Variants in PCNX2 observed in about 807,000 individuals in gnomAD.
PCNX2 encodes pecanex 2.
PCNX2 carries 168 observed loss-of-function variants against 223.8 expected under a neutral mutation model. That is an observed-to-expected ratio of 0.75 (90% CI 0.66 to 0.85). PCNX2 has a LOEUF of 0.85. Among genes scored for constraint, PCNX2 ranks in the 40% least tolerant of loss-of-function variants. PCNX2 has a pLI of 0.00. For missense variants in PCNX2, 2,507 were observed against 2,675.5 expected (o/e 0.94, Z 1.39); for synonymous variants, 1,006 against 1,052.6 (o/e 0.96, Z 0.86).
chr1:233,215,948 T>C (rs925012251), intron 12 of PCNX2, among the ~76,000 whole-genome samples: 1 of 152,228 alleles, frequency 6.6e-6, no homozygotes, highest in South Asian at 2.1e-4. Flanking sequence ...TAGCAATGTA[T>C]GCCATGTGAT....
chr1:233,286,138 G>A (rs1451536744), intron 1 of PCNX2, among the ~76,000 whole-genome samples: 4 of 152,028 alleles, frequency 2.6e-5, no homozygotes, highest in Non-Finnish European at 5.9e-5. Flanking sequence ...ATAGAATTTA[G>A]AAAAAAAGGG....
intron 13 of PCNX2, among the ~76,000 whole-genome samples, chr1:233,205,693 CA>C (rs912049157): frequency 9.4e-5 from 13 of 139,002 alleles, no homozygotes; most frequent in East Asian, 6.4e-4. Flanking sequence ...GATCCCATCT[CA>C]AAAAAAAAAA....
chr1:233,164,316 C>G (rs1390169621), intron 17 of PCNX2, among the ~76,000 whole-genome samples: 2 of 152,060 alleles, frequency 1.3e-5, no homozygotes, highest in Admixed American at 1.3e-4. Context: ...AGAAAAGGAA[C>G]CTTACAGACT....
At chr1:233,173,439 T>C (rs1572017736) in intron 17 of PCNX2, among the ~76,000 whole-genome samples, 1 of 152,238 alleles carries the variant, frequency 6.6e-6, no homozygotes, top group Admixed American at 6.5e-5. Flanking sequence ...GTGCTGGCAT[T>C]ATAGGTGTGA....
At chr1:233,186,917 G>A (rs1412307892) in intron 15 of PCNX2, among the ~76,000 whole-genome samples, 2 of 152,074 alleles carry the variant, frequency 1.3e-5, no homozygotes, top group Non-Finnish European at 2.9e-5. Context: ...ACAAATACGT[G>A]TACTTCAGGG....
chr1:233,275,314 T>C (rs979793935), intron 1 of PCNX2, among the ~76,000 whole-genome samples: 1 of 152,056 alleles, frequency 6.6e-6, no homozygotes, highest in Non-Finnish European at 1.5e-5. Context: ...GTGATTCTCC[T>C]GCTTCAGCCT....
intron 13 of PCNX2, among the ~76,000 whole-genome samples, chr1:233,203,732 A>C (rs943940955): frequency 2.0e-5 from 3 of 152,142 alleles, no homozygotes; most frequent in Non-Finnish European, 4.4e-5. Flanking sequence ...GCAGAAGGAG[A>C]TGCTGATACT....
intron 21 of PCNX2, among the ~76,000 whole-genome samples, chr1:233,108,341 G>T (rs1440557290): frequency 6.6e-6 from 1 of 152,164 alleles, no homozygotes. Flanking sequence ...TACCTTCAGG[G>T]AGAAAAGAGA....
In PCNX2 at chr1:232,998,381, G is replaced by A. The variant is rs369435902; in HGVS notation, c.5661C>T (p.Asp1887=). The change falls in exon 32 of 34, where the codon GAC becomes GAT. Residue 1887 remains aspartate (D), a synonymous_variant. Coordinates refer to ENST00000258229, the MANE Select transcript of PCNX2 (RefSeq NM_014801.4). ...QHSGGNIEDV[D]GGGAPTTGGN... ...CACCTGTCGTCGGGGCCCCTCCTCC[G>A]TCCACGTCTTCAATGTTGCCGCCAC... 22 of 1,612,736 alleles carry A rather than the reference G, an allele frequency of 1.4e-5. No individual in the cohort carries two copies. The highest frequency in any genetic ancestry group is 1.1e-4 in the African/African-American group (8 of 74,876).
chr1:233,208,425 T>C (rs1045536075), intron 13 of PCNX2, 93 bp downstream of exon 13: 1 of 1,348,266 alleles, frequency 7.4e-7, no homozygotes, highest in African/African-American at 1.5e-5. Flanking sequence ...CTTCACCCAA[T>C]AATCAAGTAA....
the PCNX2 span, among the ~76,000 whole-genome samples, chr1:233,315,505 G>A: frequency 4.2e-3 from 633 of 152,226 alleles, 2 homozygotes; most frequent in Admixed American, 9.7e-3. Context: ...GAAAAATTTG[G>A]AGAATTGAAT....
chr1:233,273,734 C>T (rs926498309), intron 1 of PCNX2, among the ~76,000 whole-genome samples: 1 of 152,016 alleles, frequency 6.6e-6, no homozygotes, highest in African/African-American at 2.4e-5. Context: ...AGCGATTCTC[C>T]TGCCTCAGCC....
At chr1:233,192,250 G>GGACATGAT (rs1444627241) in intron 15 of PCNX2, among the ~76,000 whole-genome samples, 1 of 152,160 alleles carries the variant, frequency 6.6e-6, no homozygotes, top group African/African-American at 2.4e-5. Flanking sequence ...AAAAATGATA[G>GGACATGAT]GACATGATGA....
chr1:233,076,869 G>A (rs1312894701), intron 23 of PCNX2, among the ~76,000 whole-genome samples: 1 of 152,168 alleles, frequency 6.6e-6, no homozygotes, highest in Non-Finnish European at 1.5e-5. Flanking sequence ...GACAAGGTGA[G>A]GGGAAGGGGA....
intron 25 of PCNX2, chr1:233,031,700 G>T: frequency 2.1e-6 from 2 of 971,832 alleles, no homozygotes; most frequent in Non-Finnish European, 2.4e-6. Flanking sequence ...TAAAAAGGGA[G>T]ACAGTTAAAG....
chr1:233,074,904 A>G (rs1436051874), intron 23 of PCNX2, among the ~76,000 whole-genome samples: 1 of 152,172 alleles, frequency 6.6e-6, no homozygotes, highest in Admixed American at 6.5e-5. Flanking sequence ...GGCTACAATA[A>G]AAAATAGTGA....
chr1:233,317,322 G>A, the PCNX2 span, among the ~76,000 whole-genome samples: 1 of 152,180 alleles, frequency 6.6e-6, no homozygotes, highest in Non-Finnish European at 1.5e-5. Context: ...GCTGAGGCAG[G>A]AGAATTGCTT....
At position 233,026,799 on chromosome 1, in the gene PCNX2, G is replaced by A. The variant is rs550683477; in HGVS notation, c.4352-1400C>T. Among the ~76,000 whole-genome samples the A allele has an allele frequency of 2.4e-4, 36 of 152,294 alleles. No homozygotes were observed. In the East Asian group the frequency reaches 4.8e-3, roughly 20 times the overall value. On this transcript the variant is annotated intron_variant, in intron 25 of 33. Coordinates refer to ENST00000258229, the MANE Select transcript of PCNX2 (RefSeq NM_014801.4). ...ACCAGCCTTTGAGTAGGAGTGAAGG[G>A]AAGATCAGGGATTTACTTTTACATA... is the stretch of plus-strand genomic sequence containing the variant.
chr1:233,050,590 C>A (rs2102870990), intron 25 of PCNX2, among the ~76,000 whole-genome samples: 1 of 152,246 alleles, frequency 6.6e-6, no homozygotes, highest in East Asian at 1.9e-4. Flanking sequence ...GGAAAGGGCT[C>A]CCTATTCAAT....
Sources: gnomAD v4.1 joint callset for allele counts (sites outside exome capture counted in the v4.1 genomes callset) on GRCh38, gnomAD v4.1.1 for gene constraint, MANE v1.5 for transcripts, NCBI Gene and HGNC (gene_info 2026-07-23, HGNC 2026-07-21) for gene names.